CADPS2: variants seen among roughly 807,000 people sequenced by gnomAD.
CADPS2 encodes the protein calcium dependent secretion activator 2, also known as calcium-dependent secretion activator 2.
A neutral mutation model predicts 172.5 loss-of-function variants in CADPS2; 93 were observed. The ratio of observed to expected loss-of-function variants is 0.54; its 90% CI spans 0.46 to 0.64. CADPS2 has a LOEUF of 0.64. Among genes scored for constraint, CADPS2 ranks in the 30% least tolerant of loss-of-function variants. The pLI, the probability that CADPS2 is intolerant of heterozygous loss-of-function variation, is 0.00. For synonymous variants in CADPS2, 546 were observed against 555.2 expected, an observed-to-expected ratio of 0.98 and a Z score of 0.23; for missense variants, 1,420 against 1,565.9, an observed-to-expected ratio of 0.91 and a Z score of 1.57.
chr7:122,654,403 C>G (rs1376575509), intron 3 of CADPS2, among the ~76,000 whole-genome samples: 2 of 152,184 alleles, frequency 1.3e-5, no homozygotes, highest in Non-Finnish European at 2.9e-5. Flanking sequence ...CTGCAAAGGA[C>G]AGGCTGACTC....
Position 122,482,353 on chromosome 7 carries a change from T to C in CADPS2, c.1853-1493A>G, listed in dbSNP as rs191259506. Among the ~76,000 whole-genome samples, 5 of 152,272 alleles carry C rather than the reference T, an allele frequency of 3.3e-5. No homozygotes were observed. The East Asian group carries it at 9.7e-4, about 30-fold the overall frequency. On this transcript the variant is annotated intron_variant, in intron 11 of 29. Coordinates refer to ENST00000449022, the MANE Select transcript of CADPS2 (RefSeq NM_017954.11). ...TGACCTGGGACCAGGTGGGAGACTA[T>C]TGATACCTAGTGGGTAGAGGACAGG...
At chr7:122,626,344 G>C (rs1217250727) in intron 4 of CADPS2, among the ~76,000 whole-genome samples, 1 of 152,136 alleles carries the variant, frequency 6.6e-6, no homozygotes, top group Non-Finnish European at 1.5e-5. Context: ...GAAAGGGAAG[G>C]ATGGTAACAA....
In CADPS2 at chr7:122,554,590, C is replaced by T; in HGVS notation, c.1435G>A (p.Ala479Thr). Residue 479 changes from alanine to threonine, a missense_variant, in exon 8 of 30, where the codon GCA becomes ACA. Physicochemically the swap from Ala to Thr is moderately conservative, Grantham distance 58. Coordinates refer to ENST00000449022, the MANE Select transcript of CADPS2 (RefSeq NM_017954.11). ...SQDSDLKIKL[A>T]VRMDKPAHMK... Reference sequence around the variant, plus strand: ...TGTGCTGGTTTATCCATTCGCACTGCCAGTTTGATTTTTAAGTCAGAATCC... The same window carrying T: ...TGTGCTGGTTTATCCATTCGCACTGTCAGTTTGATTTTTAAGTCAGAATCC... The T allele has an allele frequency of 6.2e-7, 1 of 1,611,132 alleles. No homozygotes were observed. The highest frequency in any genetic ancestry group is 8.5e-7 in the Non-Finnish European group (1 of 1,178,522).
intron 2 of CADPS2, among the ~76,000 whole-genome samples, chr7:122,679,265 T>G (rs866175357): frequency 4.1e-4 from 16 of 39,230 alleles, no homozygotes; most frequent in South Asian, 1.9e-3. Flanking sequence ...AATGCATTCC[T>G]GGGGGGGGGG....
intron 1 of CADPS2, among the ~76,000 whole-genome samples, chr7:122,774,207 T>C (rs1373930928): frequency 6.6e-6 from 1 of 151,490 alleles, no homozygotes; most frequent in East Asian, 1.9e-4. Context: ...TAAAAATTAA[T>C]TTGCTAAAAT....
At chr7:122,498,443 CTTTA>C (rs1484269886) in intron 9 of CADPS2, among the ~76,000 whole-genome samples, 1 of 152,046 alleles carries the variant, frequency 6.6e-6, no homozygotes, top group Non-Finnish European at 1.5e-5. Context: ...CACATTTTTC[CTTTA>C]TTTAATGCCT....
rs1280345514 is a variant in CADPS2 at position 122,560,563 on chromosome 7, C to T, written c.1336-5874G>A. ...AAACAGAGGAAGAAGGAACTAAAAA[C>T]ACAATTAGCAGAAATCATGGTTCAA... On this transcript the variant is annotated intron_variant, in intron 7 of 29. Coordinates refer to ENST00000449022, the MANE Select transcript of CADPS2 (RefSeq NM_017954.11). 3.3e-5 allele frequency among the ~76,000 whole-genome samples: 5 copies of T among 152,056 alleles called. 1 individual carries two copies. Among genetic ancestry groups the T allele is most frequent in the Admixed American group, 3.3e-4 (5 of 15,250 alleles).
At chr7:122,783,187 C>T (rs564241240) in intron 1 of CADPS2, among the ~76,000 whole-genome samples, 8 of 132,174 alleles carry the variant, frequency 6.1e-5, no homozygotes, top group Non-Finnish European at 1.3e-4. Context: ...AGCGAGACTC[C>T]ATCTCAAAAA....
In CADPS2 at chr7:122,490,176, T is replaced by C; in HGVS notation, c.1757A>G (p.Tyr586Cys). The change falls in exon 11 of 30, where the codon TAT (tyrosine) becomes TGT (cysteine). Residue 586 changes from tyrosine (Y) to cysteine (C), a missense_variant. Coordinates refer to ENST00000449022, the MANE Select transcript of CADPS2 (RefSeq NM_017954.11). Reference protein sequence around the residue: ...QDRILWVQAMYRATGQSYKPV... With the variant: ...QDRILWVQAMCRATGQSYKPV... Reference sequence around the variant, plus strand: ...TTTATATGATTGACCTGTGGCCCTATACATGGCTTGAACCCATAATATTCT... The same window carrying C: ...TTTATATGATTGACCTGTGGCCCTACACATGGCTTGAACCCATAATATTCT... The C allele has an allele frequency of 3.1e-6, 5 of 1,613,530 alleles. No individual in the cohort carries two copies. The highest frequency in any genetic ancestry group is 4.2e-6 in the Non-Finnish European group (5 of 1,179,618).
At chr7:122,670,530 C>A (rs2081712421) in intron 2 of CADPS2, among the ~76,000 whole-genome samples, 1 of 150,918 alleles carries the variant, frequency 6.6e-6, no homozygotes, top group Non-Finnish European at 1.5e-5. Context: ...TGGAGTCTCA[C>A]TCTGTCACCC....
At chr7:122,684,514 A>G (rs2083422899) in intron 2 of CADPS2, among the ~76,000 whole-genome samples, 1 of 152,170 alleles carries the variant, frequency 6.6e-6, no homozygotes, top group African/African-American at 2.4e-5. Flanking sequence ...TCTTTCACGT[A>G]TCAACCCAAT....
intron 28 of CADPS2, among the ~76,000 whole-genome samples, chr7:122,341,179 T>G (rs1404334643): frequency 1.3e-5 from 2 of 152,216 alleles, no homozygotes; most frequent in Non-Finnish European, 2.9e-5. Context: ...GTGATAGATA[T>G]ACACAATGTC....
intron 1 of CADPS2, among the ~76,000 whole-genome samples, chr7:122,820,702 G>GGCGCCCGCTACC (rs1169922152): frequency 2.2e-5 from 3 of 133,506 alleles, no homozygotes; most frequent in Non-Finnish European, 4.8e-5. Flanking sequence ...TGGGACTACA[G>GGCGCCCGCTACC]GCGCCCGCTA....
chr7:122,606,663 T>A (rs879472646), intron 6 of CADPS2, among the ~76,000 whole-genome samples: 5 of 152,102 alleles, frequency 3.3e-5, no homozygotes, highest in Non-Finnish European at 7.4e-5. Flanking sequence ...AGGCTTTTTT[T>A]AATACTCTAA....
intron 2 of CADPS2, among the ~76,000 whole-genome samples, chr7:122,696,658 T>C (rs1463056262): frequency 6.6e-6 from 1 of 152,146 alleles, no homozygotes; most frequent in African/African-American, 2.4e-5. Flanking sequence ...AGCCTTAGAG[T>C]TCAAAGCTGC....
At chr7:122,641,562 A>C (rs1477809373) in intron 3 of CADPS2, among the ~76,000 whole-genome samples, 3 of 152,168 alleles carry the variant, frequency 2.0e-5, no homozygotes, top group Non-Finnish European at 4.4e-5. Flanking sequence ...AGAACCATGA[A>C]TCTTCTGTAT....
intron 1 of CADPS2, among the ~76,000 whole-genome samples, chr7:122,878,116 C>T (rs1308205036): frequency 6.6e-6 from 1 of 151,302 alleles, no homozygotes; most frequent in Non-Finnish European, 1.5e-5. Flanking sequence ...ATTAGCTGGG[C>T]GTGGTGGTAC....
At chr7:122,636,465 T>A (rs1205525822) in intron 3 of CADPS2, among the ~76,000 whole-genome samples, 1 of 12,920 alleles carries the variant, frequency 7.7e-5, no homozygotes, top group East Asian at 2.6e-3. Flanking sequence ...AAGAGATGTT[T>A]TTTTTTTTTT....
intron 2 of CADPS2, among the ~76,000 whole-genome samples, chr7:122,679,407 G>C (rs1041384582): frequency 1.3e-5 from 2 of 151,972 alleles, no homozygotes; most frequent in African/African-American, 4.8e-5. Context: ...ATTCTAGTCA[G>C]ACCGGTTCTC....
Sources: gnomAD v4.1 joint callset for allele counts (sites outside exome capture counted in the v4.1 genomes callset) on GRCh38, gnomAD v4.1.1 for gene constraint, MANE v1.5 for transcripts, NCBI Gene and HGNC (gene_info 2026-07-23, HGNC 2026-07-21) for gene names.